The following ENPEP variants were observed in gnomAD, a reference collection of about 807,000 sequenced individuals.
ENPEP encodes the protein glutamyl aminopeptidase, also known as AP-A.
Under a neutral mutation model 114.5 loss-of-function variants are expected in ENPEP, and 103 were observed. The ratio of observed to expected loss-of-function variants is 0.90; its 90% CI spans 0.77 to 1.06. ENPEP has a LOEUF of 1.06. Among genes scored for constraint, ENPEP ranks in the 50% least tolerant of loss-of-function variants. The pLI, the probability that ENPEP is intolerant of heterozygous loss-of-function variation, is 0.00. For synonymous variants in ENPEP, 420 were observed against 422.0 expected (o/e 1.00, Z 0.06); for missense variants, 1,196 against 1,161.3 (o/e 1.03, Z -0.43).
intron 3 of ENPEP, 71 bp downstream of exon 3, chr4:110,491,235 G>GTTTT: frequency 6.6e-5 from 69 of 1,039,666 alleles, no homozygotes; most frequent in South Asian, 1.4e-4. Flanking sequence ...TTTTTGGGTA[G>GTTTT]TTTTTTTTTT....
chr4:110,509,691 G>T lies in ENPEP; in HGVS notation c.1078G>T (p.Glu360Ter), dbSNP rs1287059806. ...AIPDFGTGAM[E>*]NWGLITYRET... Reference sequence around the variant, plus strand: ...TCCAGATTTTGGCACTGGTGCCATGGAGAACTGGGGACTCATCACGTACAG... The same window carrying T: ...TCCAGATTTTGGCACTGGTGCCATGTAGAACTGGGGACTCATCACGTACAG... Residue 360 changes from glutamate to a stop codon, truncating the protein, a stop_gained, in exon 5 of 20, where the codon GAG becomes TAG. Transcript: ENST00000265162. LOFTEE classifies it high-confidence loss of function. The T allele has an allele frequency of 6.2e-7, 1 of 1,613,748 alleles. No homozygotes were observed. The highest frequency in any genetic ancestry group is 1.1e-5 in the South Asian group (1 of 90,916).
At chr4:110,533,962 GA>G (rs1726509124) in intron 11 of ENPEP, among the ~76,000 whole-genome samples, 1 of 152,194 alleles carries the variant, frequency 6.6e-6, no homozygotes, top group Non-Finnish European at 1.5e-5. Flanking sequence ...TGAAACTTCA[GA>G]ATCATGTCTG....
At chr4:110,487,644 G>C (rs1578391140) in intron 1 of ENPEP, among the ~76,000 whole-genome samples, 1 of 152,126 alleles carries the variant, frequency 6.6e-6, no homozygotes, top group Admixed American at 6.6e-5. Context: ...AATCCTGAAG[G>C]ACAAAATTTT....
intron 1 of ENPEP, among the ~76,000 whole-genome samples, chr4:110,478,590 A>G (rs1724198832): frequency 1.3e-5 from 2 of 152,052 alleles, no homozygotes; most frequent in South Asian, 2.1e-4. Context: ...TTATTCTTAC[A>G]TGTTTTCAAG....
At chr4:110,481,938 A>G (rs1324039744) in intron 1 of ENPEP, among the ~76,000 whole-genome samples, 1 of 152,182 alleles carries the variant, frequency 6.6e-6, no homozygotes, top group Non-Finnish European at 1.5e-5. Flanking sequence ...AAAAGCAGGC[A>G]AAAAGGAAAG....
rs180745011 is a variant in ENPEP at position 110,509,162 on chromosome 4, G to A, written c.1040-491G>A. Among the ~76,000 whole-genome samples the A allele has an allele frequency of 2.0e-3, 311 of 152,222 alleles. 1 individual carries two copies. The highest frequency in any genetic ancestry group is 3.4e-3 in the Non-Finnish European group (229 of 68,008). ...TCCAACCAATTTAATACATAAAAGC[G>A]GATGATAAGCTATTAGATTGGTATT... On this transcript the variant is annotated intron_variant, in intron 4 of 19. Transcript: ENST00000265162.
chr4:110,485,750 G>C (rs1173103437), intron 1 of ENPEP, among the ~76,000 whole-genome samples: 1 of 151,848 alleles, frequency 6.6e-6, no homozygotes, highest in Non-Finnish European at 1.5e-5. Context: ...ATACAGGCTG[G>C]CTATTTTGAG....
intron 6 of ENPEP, among the ~76,000 whole-genome samples, chr4:110,511,114 A>T (rs1725557121): frequency 6.6e-6 from 1 of 152,216 alleles, no homozygotes; most frequent in African/African-American, 2.4e-5. Context: ...GTGTCTAATT[A>T]CAAGAGGTTT....
At chr4:110,480,173 AT>A (rs1215806784) in intron 1 of ENPEP, among the ~76,000 whole-genome samples, 2 of 152,248 alleles carry the variant, frequency 1.3e-5, no homozygotes, top group Non-Finnish European at 2.9e-5. Context: ...AAGCTCTCAC[AT>A]TACAAAAGAT....
rs956630698 is a variant in ENPEP at position 110,559,781 on chromosome 4, T to TA, written c.2721+64dup. 108 of 1,440,912 alleles carry TA rather than the reference T, an allele frequency of 7.5e-5. 1 individual carries two copies. Among genetic ancestry groups the TA allele is most frequent in the African/African-American group, 4.4e-4 (31 of 70,042 alleles). The allele number at this position is 1,440,912 out of a possible 1,614,324, so 89.3% of individuals were successfully genotyped here. On this transcript the variant is annotated intron_variant, in intron 19 of 19. Coordinates refer to ENST00000265162, the MANE Select transcript of ENPEP (RefSeq NM_001977.4). ...AAGAAGGAGCAGAATGAAACTTTTT[T>TA]AAAAAAAATTTTACTTTAAGTTCTG...
chr4:110,519,906 G>A lies in ENPEP; in HGVS notation c.1510-102G>A, dbSNP rs76487110. ...ACATGTTATCTATGGCTGGTTTTGC[G>A]CAATGGAGGTAGAATTGAGTAGCAG... On this transcript the variant is annotated intron_variant, in intron 8 of 19. Transcript: ENST00000265162. 1,178 of 971,936 alleles carry A rather than the reference G, an allele frequency of 1.2e-3. 6 individuals carry two copies. Among genetic ancestry groups the A allele is most frequent in the African/African-American group, 0.012 (740 of 61,206 alleles). 60.2% of individuals were successfully genotyped at this position (971,936 alleles called of 1,614,324 possible). A position where few individuals can be genotyped will look rare whatever the true frequency, so the allele number is the denominator to read the frequency against.
intron 2 of ENPEP, among the ~76,000 whole-genome samples, chr4:110,489,882 T>C (rs4613628): frequency 0.018 from 2,732 of 152,278 alleles, 104 homozygotes; most frequent in African/African-American, 0.062. Flanking sequence ...TTTTAAATGA[T>C]AAAATATTCC....
At chr4:110,483,224 T>C (rs1724380710) in intron 1 of ENPEP, among the ~76,000 whole-genome samples, 1 of 152,118 alleles carries the variant, frequency 6.6e-6, no homozygotes, top group African/African-American at 2.4e-5. Context: ...CTGAACAATC[T>C]AGAGGGGTTG....
chr4:110,555,237 CAT>C (rs1382923410), intron 18 of ENPEP, among the ~76,000 whole-genome samples: 2 of 151,966 alleles, frequency 1.3e-5, no homozygotes, highest in Admixed American at 1.3e-4. Context: ...CTAATAACCA[CAT>C]GTCTAATACA....
chr4:110,548,279 A>T lies in ENPEP; in HGVS notation c.2104A>T (p.Ile702Phe). 1 of 1,605,500 alleles carries T rather than the reference A, an allele frequency of 6.2e-7. No individual in the cohort carries two copies. Among genetic ancestry groups the T allele is most frequent in the South Asian group, 1.1e-5 (1 of 89,502 alleles). The change falls in exon 14 of 20, where the codon ATC (isoleucine) becomes TTC (phenylalanine). Residue 702 changes from isoleucine to phenylalanine, a missense_variant. Ile to Phe is a conservative substitution (Grantham distance 21). Transcript: ENST00000265162. Reference protein sequence around the residue: ...WQRVISAVTYIISMFEDDKEL... With the variant: ...WQRVISAVTYFISMFEDDKEL... ...GAGAGTAATTTCAGCTGTAACCTACATCATTAGCATGTTTGAAGATGATAA... is the reference window on the plus strand; with the variant it reads ...GAGAGTAATTTCAGCTGTAACCTACTTCATTAGCATGTTTGAAGATGATAA...
chr4:110,561,414 CT>C lies in ENPEP; in HGVS notation c.2736del (p.Phe912LeufsTer21), dbSNP rs768719919. 2 of 1,613,516 alleles carry C rather than the reference CT, an allele frequency of 1.2e-6. No homozygotes were observed. The highest frequency in any genetic ancestry group is 1.7e-6 in the Non-Finnish European group (2 of 1,179,874). On this transcript the variant is annotated frameshift_variant, in exon 20 of 20. Coordinates refer to ENST00000265162, the MANE Select transcript of ENPEP (RefSeq NM_001977.4). LOFTEE classifies it low-confidence loss of function (END_TRUNC). Reference sequence around the variant, plus strand: ...TCCCCTCTCTTTTCTAGATGGAGAGCTTTTTTGCAAAATATCCACAAGCTGG... The same window carrying C: ...TCCCCTCTCTTTTCTAGATGGAGAGCTTTTTGCAAAATATCCACAAGCTGG... ...TELQLWQMES[F>X]FAKYPQAGAG... is the part of the protein sequence containing the mutation.
intron 10 of ENPEP, among the ~76,000 whole-genome samples, chr4:110,522,915 G>A (rs1726057751): frequency 2.0e-5 from 3 of 151,934 alleles, no homozygotes; most frequent in Non-Finnish European, 1.5e-5. Flanking sequence ...AGGAGAAAGA[G>A]AAAGAAAAGA....
chr4:110,478,155 G>A (rs1371679341), intron 1 of ENPEP, among the ~76,000 whole-genome samples: 2 of 152,190 alleles, frequency 1.3e-5, no homozygotes, highest in East Asian at 1.9e-4. Flanking sequence ...ATCTTACAGA[G>A]CAAGCAAATT....
rs1454600755 is a variant in ENPEP, at chr4:110,537,992, G to A, written c.1808-4759G>A. On this transcript the variant is annotated intron_variant, in intron 11 of 19. Transcript: ENST00000265162. ...TCAGTAAACCATTCTATTAACAGAC[G>A]TGCCGTCACCCAGGCTTTGTTGTTC... Among the ~76,000 whole-genome samples, 7 of 152,170 alleles carry A rather than the reference G, an allele frequency of 4.6e-5. No individual in the cohort carries two copies. In the East Asian group the frequency reaches 1.2e-3, roughly 25 times the overall value.
Sources: allele counts gnomAD v4.1 joint callset (sites outside exome capture counted in the v4.1 genomes callset), GRCh38; gene constraint gnomAD v4.1.1; transcripts MANE v1.5; gene names NCBI Gene and HGNC (gene_info 2026-07-23, HGNC 2026-07-21).